Variants in NEK1 observed in about 807,000 individuals in gnomAD.
NEK1 encodes the protein NIMA related kinase 1.
A neutral mutation model predicts 182.1 loss-of-function variants in NEK1; 137 were observed. The ratio of observed to expected loss-of-function variants is 0.75; its 90% confidence interval spans 0.65 to 0.87. NEK1 has a LOEUF of 0.87. Ranked by LOEUF, NEK1 falls within the 40% of genes least tolerant of loss-of-function variation. The probability of loss-of-function intolerance (pLI) is 0.00; values close to 1 mark genes in which losing one functional copy is unlikely to be tolerated. For synonymous variants in NEK1, 513 were observed against 492.2 expected (o/e 1.04, Z -0.56); for missense variants, 1,391 against 1,494.4 (o/e 0.93, Z 1.14).
At chr4:169,507,375 GAAA>G in intron 22 of NEK1, among the ~76,000 whole-genome samples, 1 of 151,564 alleles carries the variant, frequency 6.6e-6, no homozygotes, top group Non-Finnish European at 1.5e-5. Flanking sequence ...ATTTGAATGT[GAAA>G]AAAATGTAAA....
At chr4:169,436,812 C>G (rs532135246) in intron 28 of NEK1, among the ~76,000 whole-genome samples, 32 of 152,274 alleles carry the variant, frequency 2.1e-4, no homozygotes, top group African/African-American at 6.5e-4. Flanking sequence ...TCTTGCAGAC[C>G]CTCTTTGATA....
At chr4:169,444,755 G>C (rs146514537) in intron 27 of NEK1, among the ~76,000 whole-genome samples, 85 of 152,220 alleles carry the variant, frequency 5.6e-4, no homozygotes, top group African/African-American at 2.0e-3. Flanking sequence ...CCAAATGGAC[G>C]TAACAGACAT....
At position 169,579,202 on chromosome 4, in the gene NEK1, G is replaced by A. The variant is rs193267898; in HGVS notation, c.868+1640C>T. Among the ~76,000 whole-genome samples, 4 of 152,226 alleles carry A rather than the reference G, an allele frequency of 2.6e-5. No homozygotes were observed. In the East Asian group the frequency reaches 5.8e-4, roughly 22 times the overall value. Reference sequence around the variant, plus strand: ...AAGTTTAACATAGGGGACTGGAGGCGACAAAGTATTTATCAGTAATACTAC... The same window carrying A: ...AAGTTTAACATAGGGGACTGGAGGCAACAAAGTATTTATCAGTAATACTAC... On this transcript the variant is annotated intron_variant, in intron 11 of 35. Transcript: ENST00000507142.
chr4:169,535,179 C>T lies in NEK1; in HGVS notation c.1665+2630G>A, dbSNP rs529099408. Among the ~76,000 whole-genome samples the T allele has an allele frequency of 3.3e-5, 5 of 151,786 alleles. No individual in the cohort carries two copies. In the South Asian group the frequency reaches 6.2e-4, roughly 19 times the overall value. On this transcript the variant is annotated intron_variant, in intron 19 of 35. Transcript: ENST00000507142. ...TACTAAAAAATACAAAAAAATTAGC[C>T]GGCTATGGTGGCACATGCCTGTAAT...
At chr4:169,538,416 A>T (rs906161803) in intron 18 of NEK1, among the ~76,000 whole-genome samples, 1 of 152,162 alleles carries the variant, frequency 6.6e-6, no homozygotes, top group East Asian at 1.9e-4. Flanking sequence ...ACTATAAAAA[A>T]GTAAAGTGGA....
chr4:169,478,123 T>C (rs1430777369), intron 24 of NEK1, among the ~76,000 whole-genome samples: 1 of 151,808 alleles, frequency 6.6e-6, no homozygotes, highest in African/African-American at 2.4e-5. Flanking sequence ...TTAAAAAACA[T>C]ACGAAAAGAA....
Position 169,507,727 on chromosome 4 carries a change from G to A in NEK1, c.1899C>T (p.Ile633=), listed in dbSNP as rs375433061. ...SEEADMRRKK[I]ESLKAHANAR... is the part of the protein sequence containing the mutation. ...TTCTAGTCTATACCTTCAGTGATTC[G>A]ATTTTTTTGCGCCTCATGTCAGCCT... Residue 633 remains isoleucine (I), a synonymous_variant, in exon 22 of 36, where the codon ATC becomes ATT. Transcript: ENST00000507142. 2.4e-5 allele frequency: 38 copies of A among 1,611,982 alleles called. No homozygotes were observed. Among genetic ancestry groups the A allele is most frequent in the Non-Finnish European group, 3.1e-5 (37 of 1,178,906 alleles).
intron 18 of NEK1, among the ~76,000 whole-genome samples, chr4:169,544,323 G>T (rs1017469728): frequency 1.3e-5 from 2 of 152,146 alleles, no homozygotes; most frequent in African/African-American, 4.8e-5. Context: ...AAGCCAACTT[G>T]ATCATGGTGG....
In NEK1 at chr4:169,577,064, G is replaced by C. The variant is rs771840690; in HGVS notation, c.884C>G (p.Ser295Ter). The change falls in exon 12 of 36, where the codon TCA becomes TGA. Residue 295 changes from serine to a stop codon, truncating the protein, a stop_gained. Transcript: ENST00000507142. LOFTEE classifies it high-confidence loss of function. ...CATAACAGAAATCGAGTTTTGTCCT[G>C]AAGCTGGTCTTTTAGCTAGATGAAA... Reference protein sequence around the residue: ...SQPIPAKRPASGQNSISVMPA... With the variant: ...SQPIPAKRPA 1.2e-6 allele frequency: 2 copies of C among 1,613,634 alleles called. No individual in the cohort carries two copies. The highest frequency in any genetic ancestry group is 2.2e-5 in the South Asian group (2 of 91,058).
chr4:169,498,232 C>A (rs543841531), intron 23 of NEK1, among the ~76,000 whole-genome samples: 2 of 152,132 alleles, frequency 1.3e-5, no homozygotes, highest in Admixed American at 6.5e-5. Context: ...GCAACCCCTG[C>A]CTTTTTTTGT....
Position 169,556,008 on chromosome 4 carries a change from G to A in NEK1, c.1354C>T (p.Gln452Ter), listed in dbSNP as rs1276960586. The A allele has an allele frequency of 1.2e-6, 2 of 1,613,614 alleles. No individual in the cohort carries two copies. The highest frequency in any genetic ancestry group is 3.3e-5 in the Admixed American group (2 of 59,938). The change falls in exon 17 of 36, where the codon CAA (glutamine) becomes TAA (stop). Residue 452 changes from glutamine to a stop codon, truncating the protein, a stop_gained. Coordinates refer to ENST00000507142, the MANE Select transcript of NEK1 (RefSeq NM_001199397.3). LOFTEE classifies it high-confidence loss of function. ...QYEHYHAIFD[Q>*]MQQQRAEDNE... The stretch of plus-strand genomic sequence containing the variant: ...TCTTCTGCTCTTTGTTGCTGCATTT[G>A]GTCAAAAATGGCATGGTAATGTTCA...
chr4:169,434,379 A>G (rs1738013735), intron 28 of NEK1, among the ~76,000 whole-genome samples: 1 of 151,686 alleles, frequency 6.6e-6, no homozygotes, highest in African/African-American at 2.4e-5. Context: ...CACCAGGCTA[A>G]TTTTTGTATT....
chr4:169,590,738 G>T lies in NEK1; in HGVS notation c.384C>A (p.Asp128Glu). 1 of 1,589,564 alleles carries T rather than the reference G, an allele frequency of 6.3e-7. No individual in the cohort carries two copies. Among genetic ancestry groups the T allele is most frequent in the Admixed American group, 1.8e-5 (1 of 56,924 alleles). Residue 128 changes from aspartate to glutamate, a missense_variant, in exon 6 of 36, where the codon GAC becomes GAA. Physicochemically the swap from Asp to Glu is conservative, Grantham distance 45. Transcript: ENST00000507142. ...HVHDRKILHRDIKSQNIFLTK... is the reference protein window; with the variant it reads ...HVHDRKILHREIKSQNIFLTK... ...CAGAATAACATACCTGAGATTTAATGTCTCGATGAAGAATTTTTCTATCAT... is the reference window on the plus strand; with the variant it reads ...CAGAATAACATACCTGAGATTTAATTTCTCGATGAAGAATTTTTCTATCAT...
At chr4:169,407,228 GTCAACTTGCCCCACA>G (rs1732805266) in intron 31 of NEK1, among the ~76,000 whole-genome samples, 1 of 152,088 alleles carries the variant, frequency 6.6e-6, no homozygotes, top group African/African-American at 2.4e-5. Context: ...TCTTCCTATG[GTCAACTTGCCCCACA>G]CAGTCTTGCC....
At chr4:169,396,588 G>A (rs1327454336) in intron 35 of NEK1, among the ~76,000 whole-genome samples, 1 of 151,334 alleles carries the variant, frequency 6.6e-6, no homozygotes, top group Non-Finnish European at 1.5e-5. Context: ...TCTAGCTATG[G>A]AAAAAAAAGC....
intron 19 of NEK1, among the ~76,000 whole-genome samples, chr4:169,513,677 T>G (rs1360164059): frequency 6.6e-6 from 1 of 152,222 alleles, no homozygotes; most frequent in Admixed American, 6.5e-5. Context: ...CTTCTACCTG[T>G]ATAATATTAG....
At chr4:169,497,432 C>A in intron 23 of NEK1, among the ~76,000 whole-genome samples, 1 of 152,068 alleles carries the variant, frequency 6.6e-6, no homozygotes, top group Non-Finnish European at 1.5e-5. Flanking sequence ...TTAGTTATTT[C>A]TTGCCTTCTG....
rs567154791 is a variant in NEK1, at chr4:169,547,405, A to AT, written c.1562+8314dup. On this transcript the variant is annotated intron_variant, in intron 18 of 35. Coordinates refer to ENST00000507142, the MANE Select transcript of NEK1 (RefSeq NM_001199397.3). ...ACCTTTCTCTCTGGTGGCTCTTAAC[A>AT]TTTTTTCCTTCATTTCAACCTTGGT... Among the ~76,000 whole-genome samples the AT allele has an allele frequency of 1.3e-4, 20 of 151,716 alleles. No individual in the cohort carries two copies. The South Asian group carries it at 3.5e-3, about 27-fold the overall frequency.
At chr4:169,581,534 C>G (rs1013801942) in intron 10 of NEK1, among the ~76,000 whole-genome samples, 1 of 152,142 alleles carries the variant, frequency 6.6e-6, no homozygotes, top group African/African-American at 2.4e-5. Flanking sequence ...ATTCTCCTTC[C>G]TCAGTGTTCC....
Sources: allele counts gnomAD v4.1 joint callset (sites outside exome capture counted in the v4.1 genomes callset), GRCh38; gene constraint gnomAD v4.1.1; transcripts MANE v1.5; gene names NCBI Gene and HGNC (gene_info 2026-07-23, HGNC 2026-07-21).